Variants in ABL1 observed in about 807,000 individuals in gnomAD.
ABL1 encodes the protein ABL proto-oncogene 1, non-receptor tyrosine kinase, also known as tyrosine-protein kinase ABL1.
Under a neutral mutation model 94.7 loss-of-function variants are expected in ABL1, and 11 were observed. The observed-to-expected ratio is 0.12, with a 90% confidence interval of 0.07 to 0.19. The LOEUF (loss-of-function observed/expected upper bound fraction) is 0.19. Among genes scored for constraint, ABL1 ranks in the 10% least tolerant of loss-of-function variants. ABL1 has a pLI of 1.00. For missense variants in ABL1, 1,082 were observed against 1,489.4 expected (o/e 0.73, Z 4.50); for synonymous variants, 656 against 622.4 (o/e 1.05, Z -0.80).
At chr9:130,755,839 A>G (rs1209689351) in intron 1 of ABL1, among the ~76,000 whole-genome samples, 1 of 152,174 alleles carries the variant, frequency 6.6e-6, no homozygotes, top group East Asian at 1.9e-4. Context: ...GTGACTTTCC[A>G]TCTGCAGATG....
At chr9:130,874,790 C>T in intron 6 of ABL1, 78 bp from the exon 7 acceptor site, 1 of 1,463,104 alleles carries the variant, frequency 6.8e-7, no homozygotes, top group Non-Finnish European at 9.5e-7. Flanking sequence ...CAGCATTGCA[C>T]CTTTGCTCAG....
chr9:130,766,313 A>G (rs949428960), intron 1 of ABL1, among the ~76,000 whole-genome samples: 1 of 152,180 alleles, frequency 6.6e-6, no homozygotes, highest in Non-Finnish European at 1.5e-5. Flanking sequence ...CAGATGCCTT[A>G]CTGTAGGCCC....
chr9:130,722,485 T>C (rs1425463630), intron 1 of ABL1, among the ~76,000 whole-genome samples: 1 of 152,046 alleles, frequency 6.6e-6, no homozygotes, highest in Non-Finnish European at 1.5e-5. Context: ...AAATGCAAAA[T>C]TGGAGGTATG....
intron 10 of ABL1, 97 bp from the exon 11 acceptor site, chr9:130,883,872 G>T (rs1462578776): frequency 7.0e-7 from 1 of 1,424,124 alleles, no homozygotes; most frequent in Non-Finnish European, 9.5e-7. Context: ...CTGGGCTGGA[G>T]TGCAGCAGTG....
intron 7 of ABL1, among the ~76,000 whole-genome samples, chr9:130,877,184 T>C (rs1351690731): frequency 6.7e-6 from 1 of 148,158 alleles, no homozygotes; most frequent in Non-Finnish European, 1.5e-5. Flanking sequence ...TAGCTCCTAG[T>C]CATTTTGACA....
intron 1 of ABL1, among the ~76,000 whole-genome samples, chr9:130,793,339 C>T (rs577734781): frequency 6.6e-6 from 1 of 152,050 alleles, no homozygotes; most frequent in African/African-American, 2.4e-5. Context: ...ATCTATTTGC[C>T]CATCACCTCT....
intron 1 of ABL1, among the ~76,000 whole-genome samples, chr9:130,828,414 T>C (rs1242465820): frequency 1.3e-5 from 2 of 152,220 alleles, no homozygotes; most frequent in African/African-American, 4.8e-5. Context: ...AAATTTAAAA[T>C]CCAACAGAAG....
At chr9:130,738,906 A>G (rs1831779009) in intron 1 of ABL1, among the ~76,000 whole-genome samples, 1 of 152,090 alleles carries the variant, frequency 6.6e-6, no homozygotes, top group Non-Finnish European at 1.5e-5. Flanking sequence ...CTTTTGAGAC[A>G]GGGTCTTGCT....
At chr9:130,749,601 A>AC (rs1035037046) in intron 1 of ABL1, among the ~76,000 whole-genome samples, 32 of 152,338 alleles carry the variant, frequency 2.1e-4, no homozygotes, top group African/African-American at 7.7e-4. Flanking sequence ...ACTTAAAGCC[A>AC]CGTGATCTTG....
intron 1 of ABL1, among the ~76,000 whole-genome samples, chr9:130,782,138 A>AT (rs900386747): frequency 6.7e-6 from 1 of 149,538 alleles, no homozygotes; most frequent in African/African-American, 2.5e-5. Context: ...GGCTTACTGC[A>AT]ACCTCCACCT....
Position 130,798,303 on chromosome 9 carries a change from G to A in ABL1, c.137-55761G>A, listed in dbSNP as rs1830006943. Among the ~76,000 whole-genome samples, 5 of 152,288 alleles carry A rather than the reference G, an allele frequency of 3.3e-5. 1 individual carries two copies. The South Asian group carries it at 1.0e-3, about 32-fold the overall frequency. On this transcript the variant is annotated intron_variant, in intron 1 of 10. Transcript: ENST00000372348. ...TGAAGGCTCTGCTTCTCAGAGTACA[G>A]TTTAATTTACTTTGTGGACATCATT...
At chr9:130,755,876 C>G (rs781474503) in intron 1 of ABL1, among the ~76,000 whole-genome samples, 1 of 152,066 alleles carries the variant, frequency 6.6e-6, no homozygotes, top group Non-Finnish European at 1.5e-5. Flanking sequence ...GGTTGGTGGC[C>G]GAGGAGGACG....
chr9:130,878,640 A>T, intron 8 of ABL1, 73 bp downstream of exon 8: 1 of 1,550,020 alleles, frequency 6.5e-7, no homozygotes, highest in South Asian at 1.2e-5. Flanking sequence ...AGGAGTGTGT[A>T]CACAAAGTTG....
rs1483807166 is a variant in ABL1 at position 130,759,842 on chromosome 9, G to C, written c.136+45387G>C. ...GGGTCTCACTCTGTTGCTCAGGCTG[G>C]AGTGCAGTGGCACAGTTACAGCTCA... On this transcript the variant is annotated intron_variant, in intron 1 of 10. Transcript: ENST00000372348. Among the ~76,000 whole-genome samples, 11 of 152,148 alleles carry C rather than the reference G, an allele frequency of 7.2e-5. No homozygotes were observed. In the East Asian group the frequency reaches 2.1e-3, roughly 29 times the overall value.
intron 1 of ABL1, among the ~76,000 whole-genome samples, chr9:130,848,345 G>GGA (rs1830805408): frequency 1.4e-5 from 1 of 69,734 alleles, no homozygotes; most frequent in Admixed American, 1.6e-4. Context: ...TACTGAAAAT[G>GGA]AAAAAAAAAA....
chr9:130,755,559 T>G (rs1376481503), intron 1 of ABL1, among the ~76,000 whole-genome samples: 1 of 152,200 alleles, frequency 6.6e-6, no homozygotes, highest in Non-Finnish European at 1.5e-5. Context: ...ATGATCAGAA[T>G]AATTGCCTGG....
rs1056423151 is a variant in ABL1, at chr9:130,839,307, G to T, written c.79+3782G>T. 7.9e-5 allele frequency among the ~76,000 whole-genome samples: 12 copies of T among 152,122 alleles called. No individual in the cohort carries two copies. The South Asian group carries it at 2.3e-3, about 29-fold the overall frequency. On this transcript the variant is annotated intron_variant, in intron 1 of 10. Coordinates refer to ENST00000318560, the MANE Select transcript of ABL1 (RefSeq NM_005157.6). ...TAACTTTCCAGCGGATGCTTCATGT[G>T]GTGCCAGCCATACAGATACGCTTTT...
chr9:130,885,575 G>A lies in ABL1; in HGVS notation c.3285G>A (p.Arg1095=). The change falls in exon 11 of 11, where the codon CGG becomes CGA. Residue 1095 remains arginine (R), a synonymous_variant. Transcript: ENST00000318560. ...TCAACAAACTGGAGAATAATCTCCG[G>A]GAGCTTCAGATCTGCCCGGCGACAG... ...EAINKLENNL[R]ELQICPATAG... 6.2e-7 allele frequency: 1 copy of A among 1,613,962 alleles called. No homozygotes were observed. The highest frequency in any genetic ancestry group is 8.5e-7 in the Non-Finnish European group (1 of 1,180,046).
chr9:130,836,493 A>C (rs1258612740), intron 1 of ABL1, among the ~76,000 whole-genome samples: 1 of 152,188 alleles, frequency 6.6e-6, no homozygotes, highest in Non-Finnish European at 1.5e-5. Flanking sequence ...ATGGAGTGGC[A>C]CTTGGACTTC....
Sources: allele counts gnomAD v4.1 joint callset (sites outside exome capture counted in the v4.1 genomes callset), GRCh38; gene constraint gnomAD v4.1.1; transcripts MANE v1.5; gene names NCBI Gene and HGNC (gene_info 2026-07-23, HGNC 2026-07-21).